Variants in LRRIQ1 observed in about 807,000 individuals in gnomAD.
LRRIQ1 encodes the protein leucine rich repeats and IQ motif containing 1.
Under a neutral mutation model 211.9 loss-of-function variants are expected in LRRIQ1, and 210 were observed. The observed-to-expected ratio is 0.99, with a 90% CI of 0.89 to 1.11. The LOEUF is 1.11. LRRIQ1 is among the 50% of genes most tolerant of loss of function. The pLI is 0.00. For missense variants in LRRIQ1, 2,136 were observed against 1,939.5 expected (o/e 1.10, Z -1.90); for synonymous variants, 699 against 650.1 (o/e 1.08, Z -1.14).
At chr12:85,187,732 C>A (rs1040995373) in intron 24 of LRRIQ1, among the ~76,000 whole-genome samples, 4 of 150,722 alleles carry the variant, frequency 2.7e-5, no homozygotes, top group African/African-American at 7.4e-5. Context: ...TCGCTTGAAT[C>A]TGGGAGGCGG....
Position 85,057,199 on chromosome 12 carries a change from A to G in LRRIQ1, c.2391+15A>G. On this transcript the variant is annotated intron_variant, in intron 8 of 26. Coordinates refer to ENST00000393217, the MANE Select transcript of LRRIQ1 (RefSeq NM_001079910.2). ...CTTTACAGCAGGTATTTCTAATTTT[A>G]TAATAATTTTTCACATTTAATTACA... The G allele has an allele frequency of 1.4e-6, 2 of 1,380,380 alleles. No homozygotes were observed. The highest frequency in any genetic ancestry group is 1.9e-6 in the Non-Finnish European group (2 of 1,040,600). 85.5% of individuals were successfully genotyped at this position (1,380,380 alleles called of 1,614,324 possible). A position where few individuals can be genotyped will look rare whatever the true frequency, so the allele number is the denominator to read the frequency against.
chr12:85,124,579 T>A, intron 17 of LRRIQ1, 60 bp downstream of exon 17: 2 of 1,236,984 alleles, frequency 1.6e-6, no homozygotes, highest in Non-Finnish European at 2.3e-6. Flanking sequence ...TGATGGATGA[T>A]ATTAGTCAAT....
downstream of LRRIQ1, among the ~76,000 whole-genome samples, chr12:85,249,549 A>G (rs779090007): frequency 1.3e-5 from 2 of 151,898 alleles, no homozygotes; most frequent in Non-Finnish European, 2.9e-5. Context: ...AAGCAGTTAC[A>G]TACCTACAAT....
intron 18 of LRRIQ1, among the ~76,000 whole-genome samples, chr12:85,136,366 T>C (rs1267366247): frequency 6.6e-6 from 1 of 151,924 alleles, no homozygotes; most frequent in Non-Finnish European, 1.5e-5. Flanking sequence ...TCAGGTATGC[T>C]CTATTGGAGG....
intron 19 of LRRIQ1, among the ~76,000 whole-genome samples, chr12:85,147,514 T>G (rs1431069851): frequency 6.6e-6 from 1 of 151,762 alleles, no homozygotes; most frequent in Non-Finnish European, 1.5e-5. Context: ...TGTCTTTGGC[T>G]TTTCATGTGG....
In LRRIQ1 at chr12:85,174,058, G is replaced by A. The variant is rs142568323; in HGVS notation, c.4822+13344G>A. ...CCCCACTCTAAAAGAAGCAAATGAC[G>A]ATCATTAAACAAACTAAAGAAAATA... On this transcript the variant is annotated intron_variant, in intron 24 of 26. Transcript: ENST00000393217. 3.8e-3 allele frequency among the ~76,000 whole-genome samples: 582 copies of A among 151,952 alleles called. 3 individuals carry two copies. Among genetic ancestry groups the A allele is most frequent in the African/African-American group, 0.013 (528 of 41,432 alleles).
In LRRIQ1 at chr12:85,217,486, ATATATG is replaced by A. The variant is rs1367795783; in HGVS notation, c.4823-12025_4823-12020del. 9.2e-4 allele frequency among the ~76,000 whole-genome samples: 75 copies of A among 81,106 alleles called. 1 individual carries two copies. The highest frequency in any genetic ancestry group is 6.2e-3 in the East Asian group (18 of 2,914). The allele number at this position is 81,106 out of a possible 152,430, so 53.2% of individuals were successfully genotyped here. ...CTGAAGTATATATATATATATATAT[ATATATG>A]TATATATATATATATATGTGTGTGT... On this transcript the variant is annotated intron_variant, in intron 24 of 26. Coordinates refer to ENST00000393217, the MANE Select transcript of LRRIQ1 (RefSeq NM_001079910.2).
intron 11 of LRRIQ1, among the ~76,000 whole-genome samples, chr12:85,081,822 C>G (rs1216020310): frequency 7.0e-6 from 1 of 142,876 alleles, no homozygotes; most frequent in Non-Finnish European, 1.5e-5. Flanking sequence ...CTCCCAGTTT[C>G]AGGCTATTGT....
At chr12:85,162,432 A>G (rs1041032304) in intron 24 of LRRIQ1, among the ~76,000 whole-genome samples, 1 of 152,150 alleles carries the variant, frequency 6.6e-6, no homozygotes, top group African/African-American at 2.4e-5. Flanking sequence ...TTAAATAGGA[A>G]TGTTGTTGCA....
At chr12:85,196,429 C>T (rs1229242606) in intron 24 of LRRIQ1, among the ~76,000 whole-genome samples, 3 of 152,008 alleles carry the variant, frequency 2.0e-5, no homozygotes, top group African/African-American at 7.2e-5. Flanking sequence ...TCAAACTATA[C>T]TACAAGGCTA....
At chr12:85,137,246 A>G (rs966417922) in intron 18 of LRRIQ1, among the ~76,000 whole-genome samples, 1 of 151,348 alleles carries the variant, frequency 6.6e-6, no homozygotes, top group African/African-American at 2.4e-5. Flanking sequence ...GCATAAATAT[A>G]TTCTTTATAT....
At chr12:85,187,188 A>G (rs1474615901) in intron 24 of LRRIQ1, among the ~76,000 whole-genome samples, 1 of 152,136 alleles carries the variant, frequency 6.6e-6, no homozygotes, top group Non-Finnish European at 1.5e-5. Context: ...CACAGCATGG[A>G]ATGAAGGATG....
chr12:85,143,992 A>G (rs1228452835), intron 19 of LRRIQ1, among the ~76,000 whole-genome samples: 1 of 151,552 alleles, frequency 6.6e-6, no homozygotes, highest in Non-Finnish European at 1.5e-5. Context: ...TGGGGTTTGA[A>G]GTACAGATTA....
rs538559136 is a variant in LRRIQ1, at chr12:85,167,605, T to G, written c.4822+6891T>G. 3.3e-5 allele frequency among the ~76,000 whole-genome samples: 5 copies of G among 152,280 alleles called. No individual in the cohort carries two copies. The South Asian group carries it at 8.3e-4, about 25-fold the overall frequency. ...TCTCTTCCATCTTCTCCTGCCTACT[T>G]AATTCAAGCCAAGCTGGTAGCTGAT... On this transcript the variant is annotated intron_variant, in intron 24 of 26. Coordinates refer to ENST00000393217, the MANE Select transcript of LRRIQ1 (RefSeq NM_001079910.2).
At chr12:85,241,952 A>G (rs1027855899) in intron 26 of LRRIQ1, among the ~76,000 whole-genome samples, 6 of 152,042 alleles carry the variant, frequency 3.9e-5, no homozygotes, top group African/African-American at 1.4e-4. Flanking sequence ...AAATGCTTGG[A>G]AAGTCCTGTC....
intron 10 of LRRIQ1, among the ~76,000 whole-genome samples, chr12:85,071,459 C>T (rs12231122): frequency 0.22 from 33,321 of 151,804 alleles, 4,328 homozygotes; most frequent in Admixed American, 0.31. Context: ...GAATGGTTTC[C>T]AATCTTCCAT....
chr12:85,128,390 A>C (rs951725983), intron 18 of LRRIQ1, among the ~76,000 whole-genome samples: 1 of 152,170 alleles, frequency 6.6e-6, no homozygotes, highest in Non-Finnish European at 1.5e-5. Context: ...GCTTGAAGCC[A>C]GGAGTTTGAG....
At chr12:85,242,860 A>T (rs930637319) in intron 26 of LRRIQ1, among the ~76,000 whole-genome samples, 1 of 151,822 alleles carries the variant, frequency 6.6e-6, no homozygotes, top group Non-Finnish European at 1.5e-5. Context: ...TTAGTAACTG[A>T]CACTAGTTAT....
At chr12:85,181,250 G>A (rs2660459) in intron 24 of LRRIQ1, among the ~76,000 whole-genome samples, 90,701 of 151,600 alleles carry the variant, frequency 0.6, 29,486 homozygotes, top group African/African-American at 0.87. Context: ...TCATTCAGAT[G>A]TTGATATATG....
Sources: gnomAD v4.1 joint callset for allele counts (sites outside exome capture counted in the v4.1 genomes callset) on GRCh38, gnomAD v4.1.1 for gene constraint, MANE v1.5 for transcripts, NCBI Gene and HGNC (gene_info 2026-07-23, HGNC 2026-07-21) for gene names.